Variants in BMAL1 observed in about 807,000 individuals in gnomAD.
BMAL1 encodes basic helix-loop-helix ARNT like 1.
chr11:13,292,708 C>G, the BMAL1 span, among the ~76,000 whole-genome samples: 1 of 152,044 alleles, frequency 6.6e-6, no homozygotes, highest in Non-Finnish European at 1.5e-5. Flanking sequence ...ATGGCTGAAA[C>G]CAGGTAGAAG....
chr11:13,356,592 T>A, the BMAL1 span: 1 of 888,984 alleles, frequency 1.1e-6, no homozygotes, highest in African/African-American at 1.7e-5. Context: ...TGTTTTACCC[T>A]TATTATACAT....
At chr11:13,358,630 C>A in the BMAL1 span, 2 of 1,498,050 alleles carry the variant, frequency 1.3e-6, no homozygotes, top group Non-Finnish European at 8.9e-7. Flanking sequence ...TGTCCTTGCC[C>A]ACAAATGTTA....
chr11:13,282,438 G>C, the BMAL1 span, among the ~76,000 whole-genome samples: 1 of 152,234 alleles, frequency 6.6e-6, no homozygotes, highest in Non-Finnish European at 1.5e-5. Flanking sequence ...GCCTTGCCGG[G>C]GTGCCTTGGC....
the BMAL1 span, among the ~76,000 whole-genome samples, chr11:13,370,666 A>G: frequency 0.44 from 66,478 of 152,062 alleles, 15,813 homozygotes; most frequent in Middle Eastern, 0.57. Flanking sequence ...ACTCAGCTCC[A>G]GGCTGCCCCC....
the BMAL1 span, among the ~76,000 whole-genome samples, chr11:13,284,232 GTGTATATATATA>G: frequency 0.024 from 198 of 8,102 alleles, 20 homozygotes; most frequent in African/African-American, 0.051. Context: ...ATATATGTGT[GTGTATATATATA>G]TATATATATA....
At chr11:13,373,061 G>T in the BMAL1 span, among the ~76,000 whole-genome samples, 3 of 152,168 alleles carry the variant, frequency 2.0e-5, no homozygotes, top group Non-Finnish European at 4.4e-5. Context: ...TTAGTCCTGA[G>T]CTGTCCAATA....
At chr11:13,316,298 T>A in the BMAL1 span, among the ~76,000 whole-genome samples, 1 of 152,198 alleles carries the variant, frequency 6.6e-6, no homozygotes, top group Non-Finnish European at 1.5e-5. Context: ...GAGAAGCTGC[T>A]TCATGGTGCA....
At chr11:13,308,755 A>G in the BMAL1 span, among the ~76,000 whole-genome samples, 532 of 152,318 alleles carry the variant, frequency 3.5e-3, 4 homozygotes, top group African/African-American at 0.012. Flanking sequence ...AAGATTTATT[A>G]AAATAAATCT....
the BMAL1 span, among the ~76,000 whole-genome samples, chr11:13,284,659 T>G: frequency 5.3e-4 from 80 of 152,174 alleles, no homozygotes; most frequent in African/African-American, 1.9e-3. Flanking sequence ...TCTTGCTCAC[T>G]TGTATCTTTC....
At chr11:13,378,894 TTCAA>T in the BMAL1 span, 1 of 156,758 alleles carries the variant, frequency 6.4e-6, no homozygotes, top group African/African-American at 2.4e-5. Context: ...TTCACTTTTT[TTCAA>T]TCAAAGAGCT....
the BMAL1 span, among the ~76,000 whole-genome samples, chr11:13,351,886 G>A: frequency 3.8e-3 from 576 of 152,212 alleles, 4 homozygotes; most frequent in South Asian, 4.1e-3. Context: ...AGAATAAGAG[G>A]AAAAAAACTG....
chr11:13,366,982 A>G, the BMAL1 span, among the ~76,000 whole-genome samples: 3 of 152,200 alleles, frequency 2.0e-5, no homozygotes, highest in Admixed American at 2.0e-4. Context: ...AGAAGAAAAA[A>G]ATCTCAATGT....
chr11:13,367,970 C>T, the BMAL1 span, among the ~76,000 whole-genome samples: 16 of 152,312 alleles, frequency 1.1e-4, no homozygotes, highest in Admixed American at 4.6e-4. Context: ...AAGCTGTCCA[C>T]GTTAATCCCT....
the BMAL1 span, among the ~76,000 whole-genome samples, chr11:13,312,545 G>A: frequency 2.4e-3 from 368 of 152,312 alleles, 10 homozygotes; most frequent in Admixed American, 0.023. Context: ...ATAAAATTTA[G>A]TTGAAGGCAG....
the BMAL1 span, among the ~76,000 whole-genome samples, chr11:13,301,495 T>C: frequency 6.6e-6 from 1 of 152,130 alleles, no homozygotes; most frequent in Non-Finnish European, 1.5e-5. Flanking sequence ...TCCATCCTTT[T>C]AGAGAAGGGA....
At chr11:13,323,449 C>G in the BMAL1 span, among the ~76,000 whole-genome samples, 1 of 152,030 alleles carries the variant, frequency 6.6e-6, no homozygotes, top group Non-Finnish European at 1.5e-5. Flanking sequence ...CAAAAACAAA[C>G]AAAAAACTAG....
chr11:13,337,773 GGTA>G, the BMAL1 span, among the ~76,000 whole-genome samples: 2 of 152,078 alleles, frequency 1.3e-5, no homozygotes, highest in African/African-American at 4.8e-5. Context: ...TTTCCACTGA[GGTA>G]TTTGCCTTTT....
the BMAL1 span, chr11:13,365,600 T>G: frequency 6.2e-7 from 1 of 1,611,674 alleles, no homozygotes; most frequent in Non-Finnish European, 8.5e-7. Flanking sequence ...CAGGTATTGT[T>G]CATGCTCCTG....
chr11:13,385,148 G>C, the BMAL1 span, among the ~76,000 whole-genome samples: 632 of 152,310 alleles, frequency 4.1e-3, 2 homozygotes, highest in South Asian at 9.1e-3. Flanking sequence ...TTGAGACAGA[G>C]TTCTCTTACT....
Sources: allele counts gnomAD v4.1 joint callset (sites outside exome capture counted in the v4.1 genomes callset), GRCh38; gene constraint gnomAD v4.1.1; transcripts MANE v1.5; gene names NCBI Gene and HGNC (gene_info 2026-07-23, HGNC 2026-07-21).